The following MAP2K1 variants were observed in gnomAD, a reference collection of about 807,000 sequenced individuals.
MAP2K1 encodes dual specificity mitogen-activated protein kinase kinase 1.
MAP2K1 carries 16 observed loss-of-function variants against 46.3 expected under a neutral mutation model. That is an observed-to-expected ratio of 0.35 (90% confidence interval 0.23 to 0.52). MAP2K1 has a LOEUF of 0.52. Ranked by LOEUF, MAP2K1 falls within the 20% of genes least tolerant of loss-of-function variation. The pLI is 0.94. For missense variants in MAP2K1, 263 were observed against 497.1 expected, an observed-to-expected ratio of 0.53 and a Z score of 4.48; for synonymous variants, 183 against 185.6, an observed-to-expected ratio of 0.99 and a Z score of 0.11.
At chr15:66,470,088 T>C (rs1892586566) in intron 5 of MAP2K1, among the ~76,000 whole-genome samples, 1 of 121,694 alleles carries the variant, frequency 8.2e-6, no homozygotes, top group Admixed American at 1.0e-4. Flanking sequence ...GCCACTTTTT[T>C]TTCTTGTTTT....
chr15:66,447,256 T>G (rs1891894789), intron 5 of MAP2K1, among the ~76,000 whole-genome samples: 1 of 152,082 alleles, frequency 6.6e-6, no homozygotes, highest in Non-Finnish European at 1.5e-5. Context: ...AGTGTTCTTT[T>G]TGTTAGTCTA....
intron 1 of MAP2K1, among the ~76,000 whole-genome samples, chr15:66,429,340 G>T (rs1426642636): frequency 6.6e-6 from 1 of 151,094 alleles, no homozygotes; most frequent in African/African-American, 2.4e-5. Flanking sequence ...GCTCTCATGA[G>T]AATTCACTCA....
Position 66,392,830 on chromosome 15 carries a change from GGCGTGA to G in MAP2K1, c.80+5406_80+5411del, listed in dbSNP as rs2093359833. Among the ~76,000 whole-genome samples the G allele has an allele frequency of 3.3e-5, 5 of 152,284 alleles. No individual in the cohort carries two copies. In the South Asian group the frequency reaches 1.0e-3, roughly 32 times the overall value. On this transcript the variant is annotated intron_variant, in intron 1 of 10. Coordinates refer to ENST00000307102, the MANE Select transcript of MAP2K1 (RefSeq NM_002755.4). Reference sequence around the variant, plus strand: ...AGCCTCCCAAAGTGTTGGGCTTACAGGCGTGAGCCACCATGCCTGGCCTTAGTTTCT... The same window carrying G: ...AGCCTCCCAAAGTGTTGGGCTTACAGGCCACCATGCCTGGCCTTAGTTTCT...
At chr15:66,409,288 C>T (rs2093405614) in intron 1 of MAP2K1, among the ~76,000 whole-genome samples, 1 of 152,140 alleles carries the variant, frequency 6.6e-6, no homozygotes, top group Admixed American at 6.5e-5. Context: ...CCCATCCCAG[C>T]CCAAAGGAGG....
chr15:66,401,035 T>A (rs910405592), intron 1 of MAP2K1, among the ~76,000 whole-genome samples: 2 of 152,216 alleles, frequency 1.3e-5, no homozygotes. Flanking sequence ...TTTTGGATAG[T>A]CGAGATCAGT....
intron 1 of MAP2K1, among the ~76,000 whole-genome samples, chr15:66,420,994 CATAT>C (rs2093440967): frequency 2.3e-5 from 2 of 86,378 alleles, no homozygotes; most frequent in Non-Finnish European, 4.6e-5. Flanking sequence ...CACATACATA[CATAT>C]ATACACGTGC....
chr15:66,436,295 G>C (rs1439110138), intron 2 of MAP2K1, among the ~76,000 whole-genome samples: 1 of 152,170 alleles, frequency 6.6e-6, no homozygotes, highest in Non-Finnish European at 1.5e-5. Flanking sequence ...AAAATGTTAG[G>C]ATGACATAAG....
At chr15:66,452,862 A>G (rs1892070044) in intron 5 of MAP2K1, among the ~76,000 whole-genome samples, 1 of 152,228 alleles carries the variant, frequency 6.6e-6, no homozygotes, top group Non-Finnish European at 1.5e-5. Context: ...TATGTGTAAA[A>G]TATAGTTCTT....
chr15:66,487,410 G>C (rs921058158), intron 8 of MAP2K1, 118 bp downstream of exon 8: 2 of 945,654 alleles, frequency 2.1e-6, no homozygotes, highest in East Asian at 5.0e-5. Context: ...AGGCTGAGGC[G>C]GGTGGATCAC....
chr15:66,416,644 T>G (rs2093425325), intron 1 of MAP2K1, among the ~76,000 whole-genome samples: 1 of 152,234 alleles, frequency 6.6e-6, no homozygotes, highest in South Asian at 2.1e-4. Context: ...TCTATGTTTT[T>G]TCTCTTTTTG....
At chr15:66,452,886 A>C (rs1567015237) in intron 5 of MAP2K1, among the ~76,000 whole-genome samples, 1 of 152,196 alleles carries the variant, frequency 6.6e-6, no homozygotes, top group South Asian at 2.1e-4. Flanking sequence ...TTTGTCTCTC[A>C]TTAACCTGTA....
intron 5 of MAP2K1, among the ~76,000 whole-genome samples, chr15:66,468,068 T>C (rs1475568140): frequency 6.6e-6 from 1 of 152,248 alleles, no homozygotes; most frequent in Non-Finnish European, 1.5e-5. Flanking sequence ...TATCAAAGAT[T>C]TTACGTAAAC....
chr15:66,402,598 T>C (rs2093384848), intron 1 of MAP2K1, among the ~76,000 whole-genome samples: 1 of 152,192 alleles, frequency 6.6e-6, no homozygotes. Flanking sequence ...TATAGTTTCT[T>C]AATAATTCTC....
chr15:66,486,545 T>C (rs892872737), intron 7 of MAP2K1, among the ~76,000 whole-genome samples: 6 of 152,224 alleles, frequency 3.9e-5, no homozygotes, highest in Non-Finnish European at 7.3e-5. Context: ...CAAGGCCACA[T>C]AGGCTTGCAA....
chr15:66,461,216 G>A (rs992012932), intron 5 of MAP2K1, among the ~76,000 whole-genome samples: 10 of 152,096 alleles, frequency 6.6e-5, no homozygotes, highest in African/African-American at 2.4e-4. Flanking sequence ...TGGGCTGGGC[G>A]CAGTGGCTCA....
intron 5 of MAP2K1, among the ~76,000 whole-genome samples, chr15:66,464,094 AC>A (rs756095823): frequency 6.6e-6 from 1 of 152,110 alleles, no homozygotes; most frequent in Non-Finnish European, 1.5e-5. Context: ...ATTTTCTTTC[AC>A]ATTTCCCCCC....
At position 66,490,703 on chromosome 15, in the gene MAP2K1, A is replaced by G. The variant is rs1365900526; in HGVS notation, c.*88A>G. The G allele has an allele frequency of 2.2e-6, 2 of 907,096 alleles. No individual in the cohort carries two copies. Among genetic ancestry groups the G allele is most frequent in the East Asian group, 4.8e-5 (2 of 41,648 alleles). 56.2% of individuals were successfully genotyped at this position (907,096 alleles called of 1,614,324 possible). A position where few individuals can be genotyped will look rare whatever the true frequency, so the allele number is the denominator to read the frequency against. On this transcript the variant is annotated 3_prime_UTR_variant, in exon 11 of 11. Coordinates refer to ENST00000307102, the MANE Select transcript of MAP2K1 (RefSeq NM_002755.4). ...CTCCTTCCCATGCCTGTCTCTGTTC[A>G]GATGTGCATTTCACCTGTGACAAAG... is the stretch of plus-strand genomic sequence containing the variant.
Position 66,393,373 on chromosome 15 carries a change from T to TA in MAP2K1, c.80+5946_80+5947insA, listed in dbSNP as rs199919819. Reference sequence around the variant, plus strand: ...TTATATTTTTAGTAGAGACAGGGTTTCATTATATTGCTCAGGCTGGTCTCC... The same window carrying TA: ...TTATATTTTTAGTAGAGACAGGGTTTACATTATATTGCTCAGGCTGGTCTCC... On this transcript the variant is annotated intron_variant, in intron 1 of 10. Transcript: ENST00000307102. 3.2e-3 allele frequency among the ~76,000 whole-genome samples: 491 copies of TA among 152,238 alleles called. 2 individuals are homozygous for TA. The highest frequency in any genetic ancestry group is 0.011 in the African/African-American group (461 of 41,546).
At chr15:66,420,023 C>T (rs1011151854) in intron 1 of MAP2K1, among the ~76,000 whole-genome samples, 9 of 152,032 alleles carry the variant, frequency 5.9e-5, no homozygotes, top group African/African-American at 2.2e-4. Flanking sequence ...GTGGGTGGAT[C>T]ACCTGAGGTC....
Sources: gnomAD v4.1 joint callset for allele counts (sites outside exome capture counted in the v4.1 genomes callset) on GRCh38, gnomAD v4.1.1 for gene constraint, MANE v1.5 for transcripts, NCBI Gene and HGNC (gene_info 2026-07-23, HGNC 2026-07-21) for gene names.